Variants in NIBAN2 observed in about 807,000 individuals in gnomAD.
NIBAN2 encodes the protein protein Niban 2.
NIBAN2 carries 36 observed loss-of-function variants against 81.8 expected under a neutral mutation model. The ratio of observed to expected loss-of-function variants is 0.44; its 90% CI spans 0.34 to 0.58. The LOEUF is 0.58. Ranked by LOEUF, NIBAN2 falls within the 20% of genes least tolerant of loss-of-function variation. The pLI is 0.02. For missense variants in NIBAN2, 897 were observed against 1,014.1 expected (o/e 0.88, Z 1.57); for synonymous variants, 445 against 441.6 (o/e 1.01, Z -0.10).
At chr9:127,513,943 C>T (rs1292288477) in intron 8 of NIBAN2, among the ~76,000 whole-genome samples, 1 of 152,062 alleles carries the variant, frequency 6.6e-6, no homozygotes, top group Non-Finnish European at 1.5e-5. Context: ...TGACTATAAT[C>T]AATAATAATT....
At chr9:127,570,418 C>G (rs962854347), upstream of NIBAN2, among the ~76,000 whole-genome samples, 1 of 152,198 alleles carries the variant, frequency 6.6e-6, no homozygotes, top group Non-Finnish European at 1.5e-5. Flanking sequence ...GCCCTCCCCT[C>G]TGTGACCCTG....
chr9:127,516,800 AAAG>A, intron 8 of NIBAN2, 54 bp downstream of exon 8: 4 of 1,520,948 alleles, frequency 2.6e-6, no homozygotes, highest in Non-Finnish European at 2.7e-6. Context: ...CATGAAATAA[AAAG>A]AAAGTCCACC....
Position 127,537,286 on chromosome 9 carries a change from C to T in NIBAN2, c.56-5508G>A, listed in dbSNP as rs539295218. On this transcript the variant is annotated intron_variant, in intron 1 of 13. Transcript: ENST00000373312. ...AGCTGTTCCCGAGCTCTGAGCTCTGCAGGACCGGATAGCGTTTGAGGTGCT... is the reference window on the plus strand; with the variant it reads ...AGCTGTTCCCGAGCTCTGAGCTCTGTAGGACCGGATAGCGTTTGAGGTGCT... Among the ~76,000 whole-genome samples, 11 of 152,372 alleles carry T rather than the reference C, an allele frequency of 7.2e-5. No homozygotes were observed. The South Asian group carries it at 2.3e-3, about 32-fold the overall frequency.
At chr9:127,544,530 T>TC (rs1192487601) in intron 1 of NIBAN2, among the ~76,000 whole-genome samples, 3 of 150,994 alleles carry the variant, frequency 2.0e-5, no homozygotes, top group Non-Finnish European at 4.4e-5. Context: ...TGAGATGGAG[T>TC]CCCCACTCTG....
At chr9:127,516,793 G>C in intron 8 of NIBAN2, 64 bp downstream of exon 8, 3 of 1,479,882 alleles carry the variant, frequency 2.0e-6, no homozygotes, top group Non-Finnish European at 9.2e-7. Context: ...CATGAATCAT[G>C]AAATAAAAAG....
chr9:127,527,062 T>C, intron 3 of NIBAN2, 132 bp downstream of exon 3: 1 of 1,078,562 alleles, frequency 9.3e-7, no homozygotes, highest in Non-Finnish European at 1.4e-6. Context: ...GGGGCTGAGG[T>C]GGTGCTCTGG....
In NIBAN2 at chr9:127,536,118, A is replaced by G. The variant is rs1837273672; in HGVS notation, c.56-4340T>C. ...CCTTGGCAGGGGTAGCCCCGAGCAC[A>G]TTCTTGAGAGATGTCCTCAGCCAGC... is the stretch of plus-strand genomic sequence containing the variant. On this transcript the variant is annotated intron_variant, in intron 1 of 13. Transcript: ENST00000373312. The surrounding 1 kb of genome is among the most constrained non-coding windows in gnomAD (Gnocchi z 4.0). Among the ~76,000 whole-genome samples, 1 of 152,138 alleles carries G rather than the reference A, an allele frequency of 6.6e-6. No homozygotes were observed. Among genetic ancestry groups the G allele is most frequent in the African/African-American group, 2.4e-5 (1 of 41,442 alleles).
rs779133993 is a variant in NIBAN2 at position 127,517,080 on chromosome 9, C to T, written c.810+32G>A. 6.2e-6 allele frequency: 10 copies of T among 1,610,840 alleles called. No homozygotes were observed. The highest frequency in any genetic ancestry group is 3.3e-5 in the South Asian group (3 of 90,910). On this transcript the variant is annotated intron_variant, in intron 7 of 13. Coordinates refer to ENST00000373312, the MANE Select transcript of NIBAN2 (RefSeq NM_022833.4). This position sits in a 1 kb window ranked among gnomAD's most constrained non-coding sequence, Gnocchi z 4.0. Reference sequence around the variant, plus strand: ...AGGGCACCGCACCAGCTGCAGGTCCCGTCCCCGCTCCAGGGCCCCAGGCCC... The same window carrying T: ...AGGGCACCGCACCAGCTGCAGGTCCTGTCCCCGCTCCAGGGCCCCAGGCCC...
At chr9:127,541,105 CG>C (rs1837371342) in intron 1 of NIBAN2, among the ~76,000 whole-genome samples, 1 of 152,172 alleles carries the variant, frequency 6.6e-6, no homozygotes, top group Non-Finnish European at 1.5e-5. Flanking sequence ...ACTCCATTCT[CG>C]CAGGTCTCAG....
At chr9:127,555,189 T>C (rs991380484) in intron 1 of NIBAN2, among the ~76,000 whole-genome samples, 4 of 152,144 alleles carry the variant, frequency 2.6e-5, no homozygotes, top group African/African-American at 9.7e-5. Flanking sequence ...AATGTAACCA[T>C]TTTGTTACCT....
intron 4 of NIBAN2, 50 bp downstream of exon 4, chr9:127,525,008 C>A (rs3765602): frequency 0.16 from 235,336 of 1,451,642 alleles, 20,450 homozygotes; most frequent in Middle Eastern, 0.21. Context: ...CCCTGGCCAG[C>A]TCCAGATGCC....
intron 1 of NIBAN2, among the ~76,000 whole-genome samples, chr9:127,556,109 G>C (rs936189502): frequency 1.3e-5 from 2 of 152,146 alleles, no homozygotes; most frequent in East Asian, 1.9e-4. Flanking sequence ...CCCAGAGAGA[G>C]AGCCGCCCTT....
At chr9:127,575,299 GCTCA>G (rs985448358) in intron 1 of NIBAN2, among the ~76,000 whole-genome samples, 2 of 150,598 alleles carry the variant, frequency 1.3e-5, no homozygotes, top group Non-Finnish European at 2.9e-5. Context: ...TGCGATCTCG[GCTCA>G]CTGCAAACTC....
chr9:127,527,187 G>A lies in NIBAN2; in HGVS notation c.315+7C>T. The A allele has an allele frequency of 2.5e-6, 4 of 1,612,634 alleles. No individual in the cohort carries two copies. The highest frequency in any genetic ancestry group is 3.4e-6 in the Non-Finnish European group (4 of 1,179,950). ...GGCTCAGTGTGGCGCCCGGGGCCAG[G>A]CCTCACCGCTTTGTTTTCGTAGAGC... is the stretch of plus-strand genomic sequence containing the variant. On this transcript the variant is annotated splice_region_variant and intron_variant, in intron 3 of 13. Coordinates refer to ENST00000373312, the MANE Select transcript of NIBAN2 (RefSeq NM_022833.4).
intron 5 of NIBAN2, among the ~76,000 whole-genome samples, chr9:127,523,169 TAAAAAAA>T (rs1159040869): frequency 3.5e-4 from 4 of 11,326 alleles, no homozygotes; most frequent in African/African-American, 2.4e-3. Flanking sequence ...TTGGTGGTTT[TAAAAAAA>T]AAAAAAAAAA....
intron 1 of NIBAN2, among the ~76,000 whole-genome samples, chr9:127,555,320 C>G (rs967538540): frequency 6.6e-6 from 1 of 152,200 alleles, no homozygotes; most frequent in Non-Finnish European, 1.5e-5. Flanking sequence ...CCCTTACCAG[C>G]CCCCATTTCC....
intron 1 of NIBAN2, among the ~76,000 whole-genome samples, chr9:127,537,280 G>A (rs1837297176): frequency 6.6e-6 from 1 of 152,224 alleles, no homozygotes; most frequent in Non-Finnish European, 1.5e-5. Context: ...CGAGCTCTGA[G>A]CTCTGCAGGA....
At position 127,508,572 on chromosome 9, in the gene NIBAN2, AG is replaced by A; in HGVS notation, c.1318-35del. The A allele has an allele frequency of 3.8e-6, 6 of 1,565,696 alleles. No homozygotes were observed. Among genetic ancestry groups the A allele is most frequent in the Non-Finnish European group, 4.4e-6 (5 of 1,137,832 alleles). ...CATACCGCGGACATGTGAAGCCCCC[AG>A]GGTGACCACAGCCCCTTCCTGGGTG... On this transcript the variant is annotated intron_variant, in intron 10 of 13. Coordinates refer to ENST00000373312, the MANE Select transcript of NIBAN2 (RefSeq NM_022833.4). This position sits in a 1 kb window ranked among gnomAD's most constrained non-coding sequence, Gnocchi z 6.4.
intron 1 of NIBAN2, chr9:127,561,155 G>C: frequency 1.0e-6 from 1 of 985,544 alleles, no homozygotes; most frequent in Non-Finnish European, 1.2e-6. Flanking sequence ...GACCTTGCTG[G>C]AACCACAGCC....
Sources: allele counts gnomAD v4.1 joint callset (sites outside exome capture counted in the v4.1 genomes callset), GRCh38; gene constraint gnomAD v4.1.1; non-coding constraint Gnocchi (gnomAD v3.1); transcripts MANE v1.5; gene names NCBI Gene and HGNC (gene_info 2026-07-23, HGNC 2026-07-21).